Variants in TNNI3K observed in about 807,000 individuals in gnomAD.
TNNI3K encodes serine/threonine-protein kinase TNNI3K.
A neutral mutation model predicts 114.5 loss-of-function variants in TNNI3K; 140 were observed. The observed-to-expected ratio is 1.22, with a 90% CI of 1.07 to 1.41. TNNI3K has a LOEUF of 1.41. Ranked by LOEUF, TNNI3K falls within the 40% of genes most tolerant of loss-of-function variation. The pLI, the probability that TNNI3K is intolerant of heterozygous loss-of-function variation, is 0.00. For synonymous variants in TNNI3K, 347 were observed against 347.5 expected (o/e 1.00, Z 0.02); for missense variants, 1,125 against 1,007.6 (o/e 1.12, Z -1.58).
At chr1:74,381,908 G>A (rs556760679) in intron 17 of TNNI3K, among the ~76,000 whole-genome samples, 4 of 152,184 alleles carry the variant, frequency 2.6e-5, no homozygotes, top group Non-Finnish European at 5.9e-5. Context: ...CAGAGAAGGG[G>A]AAGTATCATC....
intron 5 of TNNI3K, among the ~76,000 whole-genome samples, chr1:74,293,438 C>T (rs1169815893): frequency 1.3e-5 from 2 of 151,568 alleles, no homozygotes; most frequent in Non-Finnish European, 3.0e-5. Flanking sequence ...TACTTTTTCG[C>T]TTTTTACATT....
At chr1:74,256,467 TTTTG>T (rs528814617) in intron 4 of TNNI3K, among the ~76,000 whole-genome samples, 415 of 152,064 alleles carry the variant, frequency 2.7e-3, no homozygotes, top group African/African-American at 9.6e-3. Context: ...CCATTTGTAA[TTTTG>T]TTTATTATTT....
chr1:74,473,465 G>T (rs1187203351), intron 21 of TNNI3K, among the ~76,000 whole-genome samples: 20 of 151,878 alleles, frequency 1.3e-4, no homozygotes, highest in Admixed American at 1.3e-3. Context: ...GAGAAAAAAG[G>T]AAATCTTAAC....
chr1:74,442,276 A>G (rs1666408485), intron 20 of TNNI3K, among the ~76,000 whole-genome samples: 1 of 152,014 alleles, frequency 6.6e-6, no homozygotes, highest in East Asian at 1.9e-4. Context: ...TCAGTTGACC[A>G]TATATGTATG....
At chr1:74,411,150 G>A (rs1664859739) in intron 17 of TNNI3K, among the ~76,000 whole-genome samples, 1 of 152,072 alleles carries the variant, frequency 6.6e-6, no homozygotes, top group Non-Finnish European at 1.5e-5. Flanking sequence ...AGGCTTTTAT[G>A]ATGTCTATAT....
intron 11 of TNNI3K, among the ~76,000 whole-genome samples, chr1:74,364,058 G>T (rs2100506610): frequency 6.6e-6 from 1 of 150,404 alleles, no homozygotes; most frequent in East Asian, 2.0e-4. Flanking sequence ...GGAGTGCAAT[G>T]GTGTGATTGT....
rs878892430 is a variant in TNNI3K, at chr1:74,480,663, C to T, written c.2122-8526C>T. 1.1e-5 allele frequency: 8 copies of T among 717,260 alleles called. 1 individual carries two copies. The highest frequency in any genetic ancestry group is 2.3e-4 in the Middle Eastern group (1 of 4,370). The allele number at this position is 717,260 out of a possible 1,614,324, so 44.4% of individuals were successfully genotyped here. ...CCATCCAGCTGGAGCCGGGTCAGGC[C>T]GCTTGTGTTTCGGAACCAAGACCCT... On this transcript the variant is annotated intron_variant, in intron 21 of 24. Transcript: ENST00000326637.
At chr1:74,333,413 G>T (rs1232804410) in intron 6 of TNNI3K, among the ~76,000 whole-genome samples, 2 of 152,190 alleles carry the variant, frequency 1.3e-5, no homozygotes, top group African/African-American at 4.8e-5. Flanking sequence ...GGCACAGACA[G>T]GATATATACA....
intron 2 of TNNI3K, among the ~76,000 whole-genome samples, chr1:74,245,059 A>C (rs1654470159): frequency 6.6e-6 from 1 of 152,208 alleles, no homozygotes; most frequent in Admixed American, 6.5e-5. Context: ...GAAAACAGAC[A>C]TCTGAAAGTA....
chr1:74,409,841 G>T (rs185795481), intron 17 of TNNI3K, among the ~76,000 whole-genome samples: 102 of 152,180 alleles, frequency 6.7e-4, no homozygotes, highest in African/African-American at 2.3e-3. Context: ...AAATTGTGGG[G>T]TGTAGGGATT....
At chr1:74,336,709 C>G in intron 7 of TNNI3K, among the ~76,000 whole-genome samples, 2 of 151,086 alleles carry the variant, frequency 1.3e-5, no homozygotes, top group Non-Finnish European at 3.0e-5. Context: ...CATAGTATTC[C>G]ATGGTGTATA....
At chr1:74,238,229 G>T (rs1209614777) in intron 2 of TNNI3K, among the ~76,000 whole-genome samples, 4 of 151,988 alleles carry the variant, frequency 2.6e-5, no homozygotes, top group African/African-American at 4.8e-5. Context: ...AAGAATTTTG[G>T]AGTCATACAA....
At chr1:74,328,276 C>T (rs1660019087) in intron 5 of TNNI3K, among the ~76,000 whole-genome samples, 1 of 152,102 alleles carries the variant, frequency 6.6e-6, no homozygotes, top group Non-Finnish European at 1.5e-5. Flanking sequence ...ACAAGAGTTT[C>T]ATGTAGTGGA....
At chr1:74,428,416 T>C (rs1030086555) in intron 17 of TNNI3K, among the ~76,000 whole-genome samples, 1 of 152,038 alleles carries the variant, frequency 6.6e-6, no homozygotes, top group African/African-American at 2.4e-5. Context: ...AATAATAACA[T>C]CACAATTTGT....
At chr1:74,416,838 C>A (rs554460187) in intron 17 of TNNI3K, among the ~76,000 whole-genome samples, 1 of 151,914 alleles carries the variant, frequency 6.6e-6, no homozygotes, top group Non-Finnish European at 1.5e-5. Context: ...CTATTTTCTA[C>A]TTATTTCTTC....
chr1:74,249,263 T>C (rs1424718477), intron 2 of TNNI3K, among the ~76,000 whole-genome samples, 196 bp from the exon 3 acceptor site: 1 of 151,952 alleles, frequency 6.6e-6, no homozygotes, highest in Non-Finnish European at 1.5e-5. Flanking sequence ...ATCATTACAA[T>C]GTAAAACTAC....
At chr1:74,314,214 T>G (rs1452266748) in intron 5 of TNNI3K, among the ~76,000 whole-genome samples, 1 of 150,660 alleles carries the variant, frequency 6.6e-6, no homozygotes, top group African/African-American at 2.4e-5. Context: ...TGCTATATTT[T>G]TTCATCCATC....
intron 13 of TNNI3K, 26 bp downstream of exon 13, chr1:74,367,990 A>T (rs201230356): frequency 3.3e-6 from 5 of 1,529,378 alleles, no homozygotes; most frequent in Non-Finnish European, 4.4e-6. Context: ...GACAATTGTT[A>T]TATTTAATTA....
chr1:74,310,505 G>A (rs561622840), intron 5 of TNNI3K, among the ~76,000 whole-genome samples: 2 of 152,204 alleles, frequency 1.3e-5, no homozygotes, highest in African/African-American at 4.8e-5. Context: ...ACCCTGAATA[G>A]CCAGAGAAGC....
Sources: gnomAD v4.1 joint callset for allele counts (sites outside exome capture counted in the v4.1 genomes callset) on GRCh38, gnomAD v4.1.1 for gene constraint, MANE v1.5 for transcripts, NCBI Gene and HGNC (gene_info 2026-07-23, HGNC 2026-07-21) for gene names.